Variants in PDE6C observed in about 807,000 individuals in gnomAD.
The protein encoded by PDE6C is cone cGMP-specific 3',5'-cyclic phosphodiesterase subunit alpha'.
PDE6C carries 75 observed loss-of-function variants against 113.1 expected under a neutral mutation model. The observed-to-expected ratio is 0.66, with a 90% confidence interval of 0.55 to 0.80. The LOEUF (loss-of-function observed/expected upper bound fraction) is 0.80. Among genes scored for constraint, PDE6C ranks in the 30% least tolerant of loss-of-function variants. PDE6C has a pLI of 0.00. For synonymous variants in PDE6C, 375 were observed against 363.7 expected (o/e 1.03, Z -0.35); for missense variants, 912 against 1,038.6 (o/e 0.88, Z 1.67).
At chr10:93,630,123 G>C (rs2058493522) in intron 8 of PDE6C, among the ~76,000 whole-genome samples, 1 of 152,084 alleles carries the variant, frequency 6.6e-6, no homozygotes, top group South Asian at 2.1e-4. Context: ...TTCTGACTGA[G>C]TCTTCAGAGC....
intron 1 of PDE6C, 75 bp downstream of exon 1, chr10:93,613,280 C>T (rs530014095): frequency 1.7e-4 from 268 of 1,584,674 alleles, no homozygotes; most frequent in Non-Finnish European, 2.2e-4. Context: ...AGAGATAGTG[C>T]TATCCTTGTG....
chr10:93,631,865 A>G (rs1030544546), intron 8 of PDE6C, among the ~76,000 whole-genome samples: 3 of 152,252 alleles, frequency 2.0e-5, no homozygotes, highest in Admixed American at 6.5e-5. Context: ...TAATGGATTC[A>G]TTTCCTATTG....
At chr10:93,629,951 T>C (rs577058266) in intron 8 of PDE6C, among the ~76,000 whole-genome samples, 18 of 152,194 alleles carry the variant, frequency 1.2e-4, no homozygotes, top group African/African-American at 4.1e-4. Context: ...ACCCCTGATC[T>C]AAGGGCTCAA....
chr10:93,657,628 T>C (rs2058644968), intron 16 of PDE6C, among the ~76,000 whole-genome samples: 1 of 151,990 alleles, frequency 6.6e-6, no homozygotes, highest in Non-Finnish European at 1.5e-5. Flanking sequence ...TTTAACTGAA[T>C]AGAGTATTCA....
chr10:93,662,736 G>A (rs1051169557), intron 20 of PDE6C, 93 bp downstream of exon 20: 18 of 740,752 alleles, frequency 2.4e-5, no homozygotes, highest in African/African-American at 1.4e-4. Context: ...TCACCCATAC[G>A]GAAAGCCATT....
At chr10:93,644,720 C>G (rs1328244084) in intron 14 of PDE6C, among the ~76,000 whole-genome samples, 1 of 149,856 alleles carries the variant, frequency 6.7e-6, no homozygotes, top group South Asian at 2.1e-4. Flanking sequence ...CCCTACCCTT[C>G]CTGGCCTCTG....
intron 8 of PDE6C, among the ~76,000 whole-genome samples, chr10:93,629,939 G>C (rs2058492124): frequency 6.6e-6 from 1 of 152,000 alleles, no homozygotes; most frequent in Admixed American, 6.5e-5. Flanking sequence ...CAGGGATTGG[G>C]GACCCCTGAT....
intron 1 of PDE6C, among the ~76,000 whole-genome samples, chr10:93,619,705 C>T (rs1261335083): frequency 6.6e-6 from 1 of 152,114 alleles, no homozygotes; most frequent in African/African-American, 2.4e-5. Flanking sequence ...GGATTACAGG[C>T]ATGAACCACC....
chr10:93,654,787 T>C (rs1327258063), intron 15 of PDE6C, among the ~76,000 whole-genome samples: 4 of 100,692 alleles, frequency 4.0e-5, no homozygotes, highest in African/African-American at 1.3e-4. Flanking sequence ...TCTTTCTTTC[T>C]TTCTTTCTTT....
chr10:93,662,915 T>A, intron 20 of PDE6C, 113 bp from the exon 21 acceptor site: 1 of 953,642 alleles, frequency 1.0e-6, no homozygotes, highest in Non-Finnish European at 1.6e-6. Flanking sequence ...GTTAAACTTA[T>A]CCTAGCAGCT....
At chr10:93,642,762 G>A (rs529660088) in intron 14 of PDE6C, among the ~76,000 whole-genome samples, 1 of 152,348 alleles carries the variant, frequency 6.6e-6, no homozygotes, top group East Asian at 1.9e-4. Context: ...TTGAGAAAGT[G>A]CCTGCTAGGC....
At chr10:93,635,355 TA>T (rs1224544103) in intron 9 of PDE6C, 141 bp from the exon 10 acceptor site, 1 of 672,484 alleles carries the variant, frequency 1.5e-6, no homozygotes, top group African/African-American at 1.8e-5. Context: ...AGCTGATTAT[TA>T]GTATGTTTTT....
At position 93,612,794 on chromosome 10, in the gene PDE6C, C is replaced by T; in HGVS notation, c.69C>T (p.Tyr23=). 6.2e-7 allele frequency: 1 copy of T among 1,614,182 alleles called. No individual in the cohort carries two copies. Among genetic ancestry groups the T allele is most frequent in the Non-Finnish European group, 8.5e-7 (1 of 1,180,046 alleles). ...LEENPQFAKE[Y]FDRKLRVEVL... ...AGAACCCTCAGTTTGCCAAGGAGTA[C>T]TTTGACAGGAAGTTGCGGGTGGAGG... Residue 23 remains tyrosine (Y), a synonymous_variant, in exon 1 of 22, where the codon TAC becomes TAT. Coordinates refer to ENST00000371447, the MANE Select transcript of PDE6C (RefSeq NM_006204.4).
chr10:93,659,218 G>A (rs2058655219), intron 18 of PDE6C, 51 bp downstream of exon 18: 2 of 1,245,042 alleles, frequency 1.6e-6, no homozygotes, highest in South Asian at 2.5e-5. Context: ...TACTGCCTAG[G>A]TCCCATGTAA....
chr10:93,634,395 G>A (rs992051695), intron 8 of PDE6C, among the ~76,000 whole-genome samples: 1 of 152,164 alleles, frequency 6.6e-6, no homozygotes, highest in African/African-American at 2.4e-5. Context: ...GTCTTGTAGT[G>A]ATGGAATAGT....
At position 93,627,258 on chromosome 10, in the gene PDE6C, C is replaced by CAAGAAAAAAAAAAAAAAAAA. The variant is rs71031524; in HGVS notation, c.1071+389_1071+390insGAAAAAAAAAAAAAAAAAAA. 3.8e-5 allele frequency among the ~76,000 whole-genome samples: 2 copies of CAAGAAAAAAAAAAAAAAAAA among 52,578 alleles called. 1 individual carries two copies. The highest frequency in any genetic ancestry group is 7.3e-5 in the Non-Finnish European group (2 of 27,554). 34.5% of individuals were successfully genotyped at this position (52,578 alleles called of 152,430 possible). A position where few individuals can be genotyped will look rare whatever the true frequency, so the allele number is the denominator to read the frequency against. On this transcript the variant is annotated intron_variant, in intron 7 of 21. Transcript: ENST00000371447. ...GCCTGGGCAACAAAGTGAAACTCCA[C>CAAGAAAAAAAAAAAAAAAAA]AAAAAAAAAAAAAAAAAAAAAAAAG... is the stretch of plus-strand genomic sequence containing the variant.
At position 93,629,250 on chromosome 10, in the gene PDE6C, C is replaced by T. The variant is rs781649493; in HGVS notation, c.1072-8C>T. 31 of 1,606,714 alleles carry T rather than the reference C, an allele frequency of 1.9e-5. No individual in the cohort carries two copies. Among genetic ancestry groups the T allele is most frequent in the East Asian group, 1.3e-4 (6 of 44,842 alleles). ...ATTTCAGACCATTTGTCTCCTCTTGCCTTCCAGATCTGTAACATGATGAAT... is the reference window on the plus strand; with the variant it reads ...ATTTCAGACCATTTGTCTCCTCTTGTCTTCCAGATCTGTAACATGATGAAT... On this transcript the variant is annotated splice_region_variant and splice_polypyrimidine_tract_variant and intron_variant, in intron 7 of 21. Transcript: ENST00000371447.
At chr10:93,633,530 A>G (rs950267503) in intron 8 of PDE6C, among the ~76,000 whole-genome samples, 2 of 151,396 alleles carry the variant, frequency 1.3e-5, no homozygotes, top group Non-Finnish European at 1.5e-5. Context: ...TGGTCCTTGG[A>G]CCACACTTTG....
rs141384587 is a variant in PDE6C at position 93,634,812 on chromosome 10, A to G, written c.1174A>G (p.Ile392Val). Residue 392 changes from isoleucine to valine, a missense_variant, in exon 9 of 22, where the codon ATT becomes GTT. Coordinates refer to ENST00000371447, the MANE Select transcript of PDE6C (RefSeq NM_006204.4). ...WVIKNVLSLP[I>V]VNKKEDIVGV... is the part of the protein sequence containing the mutation. The stretch of plus-strand genomic sequence containing the variant: ...CATTAAGAATGTTTTGTCCCTGCCT[A>G]TTGTCAACAAGAAAGAAGATATTGT... 8.7e-6 allele frequency: 14 copies of G among 1,614,018 alleles called. No homozygotes were observed. The African/African-American group carries it at 1.2e-4, about 14-fold the overall frequency.
Sources: allele counts gnomAD v4.1 joint callset (sites outside exome capture counted in the v4.1 genomes callset), GRCh38; gene constraint gnomAD v4.1.1; transcripts MANE v1.5; gene names NCBI Gene and HGNC (gene_info 2026-07-23, HGNC 2026-07-21).